Variants in CRHR1 observed in about 807,000 individuals in gnomAD.
CRHR1 encodes corticotropin releasing hormone receptor 1, also known as corticotropin-releasing hormone receptor 1.
A neutral mutation model predicts 56.0 loss-of-function variants in CRHR1; 28 were observed. The observed-to-expected ratio is 0.50, with a 90% confidence interval of 0.37 to 0.69. The LOEUF (loss-of-function observed/expected upper bound fraction) is 0.69. Among genes scored for constraint, CRHR1 ranks in the 30% least tolerant of loss-of-function variants. The probability of loss-of-function intolerance (pLI) is 0.00; values close to 1 mark genes in which losing one functional copy is unlikely to be tolerated. For synonymous variants in CRHR1, 195 were observed against 216.5 expected (o/e 0.90, Z 0.87); for missense variants, 376 against 548.0 (o/e 0.69, Z 3.13).
At chr17:45,822,067 A>G (rs187351975) in intron 4 of CRHR1, among the ~76,000 whole-genome samples, 4 of 151,924 alleles carry the variant, frequency 2.6e-5, no homozygotes, top group African/African-American at 9.7e-5. Flanking sequence ...CTCCGCATAC[A>G]CGAGTAATTT....
chr17:45,791,989 G>T (rs548176112), intron 1 of CRHR1, among the ~76,000 whole-genome samples: 1 of 152,130 alleles, frequency 6.6e-6, no homozygotes, highest in Non-Finnish European at 1.5e-5. Flanking sequence ...TCTGAGCATA[G>T]CCAGACCTGT....
At chr17:45,814,809 G>A (rs549931400) in intron 2 of CRHR1, among the ~76,000 whole-genome samples, 1 of 152,362 alleles carries the variant, frequency 6.6e-6, no homozygotes, top group South Asian at 2.1e-4. Context: ...CCTGGGCTTG[G>A]CCCACTCCAG....
intron 1 of CRHR1, among the ~76,000 whole-genome samples, chr17:45,792,360 C>T (rs1391731354): frequency 6.6e-6 from 1 of 152,114 alleles, no homozygotes; most frequent in East Asian, 1.9e-4. Context: ...CCAGGTGCGC[C>T]ATTTACTGAG....
chr17:45,833,693 T>TCCGC, intron 10 of CRHR1, 21 bp from the exon 11 acceptor site: 1 of 1,571,618 alleles, frequency 6.4e-7, no homozygotes, highest in Non-Finnish European at 8.7e-7. Context: ...ACTCCGAGCC[T>TCCGC]CCCCACCCGC....
In CRHR1 at chr17:45,829,245, G is replaced by A. The variant is rs765531650; in HGVS notation, c.358G>A (p.Val120Ile). The A allele has an allele frequency of 6.2e-7, 1 of 1,614,086 alleles. No homozygotes were observed. Among genetic ancestry groups the A allele is most frequent in the Non-Finnish European group, 8.5e-7 (1 of 1,180,026 alleles). Residue 120 changes from valine to isoleucine, a missense_variant, in exon 5 of 13, where the codon GTC becomes ATC. Around this residue, in one of 2 missense-constraint regions of CRHR1, gnomAD observed 369 missense variants for 519.5 expected, o/e 0.71. Transcript: ENST00000314537. Reference protein sequence around the residue: ...KKSKVHYHVAVIINYLGHCIS... With the variant: ...KKSKVHYHVAIIINYLGHCIS... ...AAGCAAGGTGCACTACCATGTCGCAGTCATCATCAACTACCTGGGCCACTG... is the reference window on the plus strand; with the variant it reads ...AAGCAAGGTGCACTACCATGTCGCAATCATCATCAACTACCTGGGCCACTG...
intron 3 of CRHR1, among the ~76,000 whole-genome samples, chr17:45,820,489 G>T (rs151064014): frequency 2.1e-3 from 318 of 152,204 alleles, no homozygotes; most frequent in Non-Finnish European, 3.5e-3. Context: ...CAGCTCACAG[G>T]GCCCCTCCCC....
chr17:45,823,063 G>A (rs1468485825), intron 4 of CRHR1, among the ~76,000 whole-genome samples: 1 of 150,494 alleles, frequency 6.6e-6, no homozygotes, highest in Non-Finnish European at 1.5e-5. Context: ...AGAATCACTT[G>A]AACCAGGGAG....
At chr17:45,827,356 G>A (rs1757491092) in intron 4 of CRHR1, among the ~76,000 whole-genome samples, 2 of 152,214 alleles carry the variant, frequency 1.3e-5, no homozygotes, top group African/African-American at 4.8e-5. Context: ...AGGCCGGGGT[G>A]TTGTGCCATG....
In CRHR1 at chr17:45,819,632, T is replaced by C. The variant is rs116535936; in HGVS notation, c.242-1723T>C. Among the ~76,000 whole-genome samples, 1,069 of 151,846 alleles carry C rather than the reference T, an allele frequency of 7.0e-3. 15 individuals carry two copies. The highest frequency in any genetic ancestry group is 0.024 in the African/African-American group (994 of 41,500). On this transcript the variant is annotated intron_variant, in intron 3 of 12. Transcript: ENST00000314537. ...AAACCCACTGGGTGAGCCTCAGCCC[T>C]CCGGTAACTCATCCCTCATTTGGCA...
chr17:45,813,982 TCCTCAGTGGCTGG>T (rs899073031), intron 2 of CRHR1, among the ~76,000 whole-genome samples: 2 of 152,372 alleles, frequency 1.3e-5, no homozygotes, highest in African/African-American at 4.8e-5. Context: ...AGAAGGCCTA[TCCTCAGTGGCTGG>T]CCTCTGCCTC....
chr17:45,835,581 G>T lies in CRHR1; in HGVS notation c.*817G>T, dbSNP rs1349674836. The T allele has an allele frequency of 6.6e-6, 1 of 152,290 alleles. No homozygotes were observed. The highest frequency in any genetic ancestry group is 1.5e-5 in the Non-Finnish European group (1 of 68,120). 9.4% of individuals were successfully genotyped at this position (152,290 alleles called of 1,614,324 possible). A position where few individuals can be genotyped will look rare whatever the true frequency, so the allele number is the denominator to read the frequency against. ...AGTCCCAGCCTCTGGGGCAGAGCTT[G>T]TAGCCCTGGATGGCCTCTGGGGCAG... On this transcript the variant is annotated 3_prime_UTR_variant, in exon 13 of 13. Transcript: ENST00000314537.
At chr17:45,797,210 T>C (rs189202021) in intron 1 of CRHR1, among the ~76,000 whole-genome samples, 246 of 151,450 alleles carry the variant, frequency 1.6e-3, no homozygotes, top group African/African-American at 5.1e-3. Flanking sequence ...CGTGCAAAGT[T>C]GAGTAACAGA....
intron 4 of CRHR1, chr17:45,826,576 G>A (rs1226766071): frequency 6.6e-6 from 1 of 152,262 alleles, no homozygotes; most frequent in African/African-American, 2.4e-5. Context: ...AGCCCTCTTG[G>A]GCGCTATTGT....
At chr17:45,829,539 G>A (rs1487458685) in intron 5 of CRHR1, 2 of 1,544,046 alleles carry the variant, frequency 1.3e-6, no homozygotes, top group Non-Finnish European at 1.7e-6. Context: ...GACAAAACTT[G>A]TCTTATGTCA....
Position 45,833,431 on chromosome 17 carries a change from G to A in CRHR1, c.844-21G>A, listed in dbSNP as rs367727912. ...CCAAGCCTCTTGCACACTCCGGCCC[G>A]CTGGTGTGCTCAAATTGCAGATCAA... On this transcript the variant is annotated intron_variant, in intron 9 of 12. Coordinates refer to ENST00000314537, the MANE Select transcript of CRHR1 (RefSeq NM_004382.5). 1.7e-5 allele frequency: 27 copies of A among 1,612,724 alleles called. 1 individual carries two copies. The highest frequency in any genetic ancestry group is 5.5e-5 in the South Asian group (5 of 91,064).
intron 1 of CRHR1, 133 bp from the exon 2 acceptor site, chr17:45,806,877 C>T (rs896115686): frequency 2.7e-4 from 184 of 691,026 alleles, no homozygotes; most frequent in Non-Finnish European, 4.4e-4. Flanking sequence ...TGGGAAGCGA[C>T]TGGATGTGTG....
intron 3 of CRHR1, among the ~76,000 whole-genome samples, chr17:45,818,652 C>T (rs2061976506): frequency 2.0e-5 from 3 of 152,178 alleles, no homozygotes; most frequent in Admixed American, 2.0e-4. Flanking sequence ...GGCTGGAAGA[C>T]CCCTTTCCAG....
In CRHR1 at chr17:45,829,311, C is replaced by T; in HGVS notation, c.424C>T (p.Leu142=). Residue 142 remains leucine (L), a synonymous_variant, in exon 5 of 13, where the codon CTG becomes TTG. Coordinates refer to ENST00000314537, the MANE Select transcript of CRHR1 (RefSeq NM_004382.5). ...CCTCCTGGTGGCCTTTGTCCTCTTT[C>T]TGCGGCTCAGGTGAGAAGACCCCAG... is the stretch of plus-strand genomic sequence containing the variant. ...VALLVAFVLF[L]RLRSIRCLRN... is the part of the protein sequence containing the mutation. The T allele has an allele frequency of 1.2e-6, 2 of 1,613,702 alleles. No individual in the cohort carries two copies. Among genetic ancestry groups the T allele is most frequent in the African/African-American group, 1.3e-5 (1 of 75,056 alleles).
intron 2 of CRHR1, among the ~76,000 whole-genome samples, chr17:45,810,018 G>A (rs1299831442): frequency 1.3e-5 from 2 of 152,198 alleles, no homozygotes; most frequent in African/African-American, 2.4e-5. Flanking sequence ...GGTGGCTCAC[G>A]CCTGTAATCC....
Sources: allele counts gnomAD v4.1 joint callset (sites outside exome capture counted in the v4.1 genomes callset), GRCh38; gene constraint gnomAD v4.1.1; regional missense constraint gnomAD v4.1.1; transcripts MANE v1.5; gene names NCBI Gene and HGNC (gene_info 2026-07-23, HGNC 2026-07-21).